Variants in SIM1 observed in about 807,000 individuals in gnomAD.
The protein encoded by SIM1 is single-minded homolog 1.
In SIM1, 18 loss-of-function variants were observed where a neutral mutation model predicts 78.2. The observed-to-expected ratio is 0.23, with a 90% CI of 0.16 to 0.34. The LOEUF (loss-of-function observed/expected upper bound fraction) is 0.34. Among genes scored for constraint, SIM1 ranks in the 10% least tolerant of loss-of-function variants. SIM1 has a pLI of 1.00. For missense variants in SIM1, 939 were observed against 975.1 expected (o/e 0.96, Z 0.49); for synonymous variants, 417 against 385.2 (o/e 1.08, Z -0.97).
intron 2 of SIM1, among the ~76,000 whole-genome samples, chr6:100,461,471 G>T (rs1772841852): frequency 6.6e-6 from 1 of 152,142 alleles, no homozygotes; most frequent in Admixed American, 6.5e-5. Context: ...CTCCTCCCGC[G>T]ATTACTCGCA....
chr6:100,401,568 C>A (rs1027992409), intron 10 of SIM1, among the ~76,000 whole-genome samples: 3 of 148,286 alleles, frequency 2.0e-5, no homozygotes, highest in African/African-American at 5.0e-5. Flanking sequence ...TAAAATGGTT[C>A]AAAAAAAATA....
Position 100,390,030 on chromosome 6 carries a change from G to A in SIM1, c.*331C>T. ...TTGTGTGTTTGAGGATCACTGGATA[G>A]TCACAATGCAATGTTGTCATTCATC... On this transcript the variant is annotated 3_prime_UTR_variant, in exon 12 of 12. Transcript: ENST00000369208. 2.5e-6 allele frequency: 1 copy of A among 402,364 alleles called. No individual in the cohort carries two copies. The highest frequency in any genetic ancestry group is 4.4e-6 in the Non-Finnish European group (1 of 227,542). The allele number at this position is 402,364 out of a possible 1,614,324, so 24.9% of individuals were successfully genotyped here. A position where few individuals can be genotyped will look rare whatever the true frequency, so the allele number is the denominator to read the frequency against.
At chr6:100,448,386 A>G in intron 7 of SIM1, 93 bp downstream of exon 7, 9 of 1,441,030 alleles carry the variant, frequency 6.2e-6, no homozygotes, top group South Asian at 1.3e-5. Context: ...CCTCATGTGC[A>G]AAATGGGCTC....
At chr6:100,412,604 A>AAAGG (rs1391620294) in intron 10 of SIM1, among the ~76,000 whole-genome samples, 1 of 117,002 alleles carries the variant, frequency 8.5e-6, no homozygotes, top group Non-Finnish European at 1.8e-5. Context: ...AGAAAGAAAG[A>AAAGG]AAGAAAGGAA....
At position 100,420,806 on chromosome 6, in the gene SIM1, G is replaced by A; in HGVS notation, c.1151C>T (p.Thr384Ile). The A allele has an allele frequency of 6.2e-7, 1 of 1,614,112 alleles. No homozygotes were observed. The highest frequency in any genetic ancestry group is 8.5e-7 in the Non-Finnish European group (1 of 1,180,000). Residue 384 changes from threonine (T) to isoleucine (I), a missense_variant, in exon 10 of 12, where the codon ACT becomes ATT. Physicochemically the swap from Thr to Ile is moderately conservative, Grantham distance 89 (BLOSUM62 -1). Coordinates refer to ENST00000369208, the MANE Select transcript of SIM1 (RefSeq NM_005068.3). ...TGCACTTACCTGAGGGTATGGGGAA[G>A]TCCTGGATTTTGACTTTGAGCTGGA... Reference protein sequence around the residue: ...RLSSSKSKSRTSPYPQYSGFH... With the variant: ...RLSSSKSKSRISPYPQYSGFH...
At chr6:100,392,809 C>A (rs1172235127) in intron 11 of SIM1, among the ~76,000 whole-genome samples, 1 of 152,162 alleles carries the variant, frequency 6.6e-6, no homozygotes, top group African/African-American at 2.4e-5. Context: ...TCTCCTTAAC[C>A]AGTTTACTTT....
chr6:100,439,917 T>C (rs1772162493), intron 9 of SIM1, among the ~76,000 whole-genome samples: 2 of 152,102 alleles, frequency 1.3e-5, no homozygotes, highest in Non-Finnish European at 2.9e-5. Flanking sequence ...AGGGTGAGCC[T>C]AACCAAACTG....
chr6:100,460,842 G>C (rs1472968753), intron 2 of SIM1, among the ~76,000 whole-genome samples: 5 of 152,150 alleles, frequency 3.3e-5, no homozygotes, highest in Non-Finnish European at 7.3e-5. Flanking sequence ...TTAAAGAGCT[G>C]TGTTTGATTT....
intron 9 of SIM1, among the ~76,000 whole-genome samples, chr6:100,442,372 G>C (rs2114532878): frequency 6.6e-6 from 1 of 152,184 alleles, no homozygotes; most frequent in African/African-American, 2.4e-5. Context: ...TATAAAATTA[G>C]TATTAATACA....
chr6:100,429,103 T>C (rs746872722), intron 9 of SIM1, among the ~76,000 whole-genome samples: 3 of 152,198 alleles, frequency 2.0e-5, no homozygotes, highest in Non-Finnish European at 2.9e-5. Context: ...GCACGGTAGC[T>C]CACGCCTGTA....
At chr6:100,415,002 T>C (rs1447181819) in intron 10 of SIM1, among the ~76,000 whole-genome samples, 1 of 152,252 alleles carries the variant, frequency 6.6e-6, no homozygotes, top group Non-Finnish European at 1.5e-5. Flanking sequence ...CTTTCAGATT[T>C]CAGAAGCATA....
chr6:100,412,494 G>A (rs1771214586), intron 10 of SIM1, among the ~76,000 whole-genome samples: 1 of 149,124 alleles, frequency 6.7e-6, no homozygotes, highest in Admixed American at 6.8e-5. Context: ...CCGAGACAGT[G>A]CCACTGTACT....
chr6:100,457,040 T>A (rs1163963466), intron 2 of SIM1, among the ~76,000 whole-genome samples: 1 of 152,210 alleles, frequency 6.6e-6, no homozygotes, highest in African/African-American at 2.4e-5. Context: ...CAGTCTAGTG[T>A]GAGCTCAAAG....
intron 10 of SIM1, among the ~76,000 whole-genome samples, chr6:100,398,457 C>A (rs1264285465): frequency 1.3e-5 from 2 of 152,110 alleles, no homozygotes; most frequent in Admixed American, 1.3e-4. Context: ...AGTTCCTTAA[C>A]AACCACCATT....
Position 100,449,372 on chromosome 6 carries a change from G to C in SIM1, c.534C>G (p.Gly178=), listed in dbSNP as rs1041831625. ...LAKRNAGLTC[G]GYKVIHCSGY... ...TCTTCCAGCTACGCACCTTGTAGCC[G>C]CCACAGGTGAGGCCGGCGTTACGCT... Residue 178 remains glycine (G), a synonymous_variant, in exon 6 of 12, where the codon GGC becomes GGG. Transcript: ENST00000369208. 6.2e-6 allele frequency: 10 copies of C among 1,613,382 alleles called. No homozygotes were observed. Among genetic ancestry groups the C allele is most frequent in the African/African-American group, 1.3e-5 (1 of 74,916 alleles).
At chr6:100,437,113 A>C (rs1772074741) in intron 9 of SIM1, 1 of 152,182 alleles carries the variant, frequency 6.6e-6, no homozygotes, top group Non-Finnish European at 1.5e-5. Context: ...AATGAGTGGC[A>C]GTGCTAGGGA....
chr6:100,448,344 T>A (rs1413620164), intron 7 of SIM1, 92 bp from the exon 8 acceptor site: 1 of 1,359,900 alleles, frequency 7.4e-7, no homozygotes, highest in Non-Finnish European at 1.0e-6. Flanking sequence ...CACCTAGCTG[T>A]CCGCCCTCAC....
chr6:100,458,905 A>C (rs1319879612), intron 2 of SIM1, among the ~76,000 whole-genome samples: 1 of 152,230 alleles, frequency 6.6e-6, no homozygotes, highest in African/African-American at 2.4e-5. Flanking sequence ...TCCACACAAA[A>C]TTTTAAAATT....
intron 3 of SIM1, among the ~76,000 whole-genome samples, chr6:100,450,696 T>TCTCTCTCTCTCTCTCTCTCACACA (rs1421452803): frequency 2.2e-5 from 2 of 91,878 alleles, no homozygotes; most frequent in African/African-American, 3.9e-5. Context: ...TCTCTCTCTC[T>TCTCTCTCTCTCTCTCTCTCACACA]CACACACACA....
Sources: gnomAD v4.1 joint callset for allele counts (sites outside exome capture counted in the v4.1 genomes callset) on GRCh38, gnomAD v4.1.1 for gene constraint, MANE v1.5 for transcripts, NCBI Gene and HGNC (gene_info 2026-07-23, HGNC 2026-07-21) for gene names.